Variants in THSD4 observed in about 807,000 individuals in gnomAD.
The protein encoded by THSD4 is thrombospondin type-1 domain-containing protein 4.
Under a neutral mutation model 119.0 loss-of-function variants are expected in THSD4, and 69 were observed. The ratio of observed to expected loss-of-function variants is 0.58; its 90% CI spans 0.48 to 0.71. The LOEUF is 0.71. Among genes scored for constraint, THSD4 ranks in the 30% least tolerant of loss-of-function variants. The pLI, the probability that THSD4 is intolerant of heterozygous loss-of-function variation, is 0.00. For synonymous variants in THSD4, 524 were observed against 540.4 expected (o/e 0.97, Z 0.42); for missense variants, 1,393 against 1,391.1 (o/e 1.00, Z -0.02).
intron 7 of THSD4, among the ~76,000 whole-genome samples, chr15:71,554,235 G>T (rs545831863): frequency 6.6e-6 from 1 of 150,872 alleles, no homozygotes; most frequent in African/African-American, 2.4e-5. Context: ...GACTACAGGT[G>T]CCCACCGCCA....
At chr15:71,100,973 C>T (rs191562890) in intron 1 of THSD4, among the ~76,000 whole-genome samples, 47 of 151,290 alleles carry the variant, frequency 3.1e-4, no homozygotes, top group African/African-American at 8.8e-4. Context: ...CACAGTGAGA[C>T]GCTGTCACAC....
chr15:71,481,368 A>C (rs1402160759), intron 7 of THSD4, among the ~76,000 whole-genome samples: 1 of 152,238 alleles, frequency 6.6e-6, no homozygotes, highest in Non-Finnish European at 1.5e-5. Flanking sequence ...TATGTATATA[A>C]AACTTTGAGA....
intron 8 of THSD4, among the ~76,000 whole-genome samples, chr15:71,691,880 T>A (rs1462984011): frequency 6.6e-6 from 1 of 152,066 alleles, no homozygotes; most frequent in Non-Finnish European, 1.5e-5. Flanking sequence ...GCATAGCGTA[T>A]CCCCAGGGGA....
intron 6 of THSD4, among the ~76,000 whole-genome samples, chr15:71,373,014 T>C (rs1009156181): frequency 8.5e-5 from 13 of 152,218 alleles, no homozygotes; most frequent in African/African-American, 2.9e-4. Flanking sequence ...TCTTTCTTGT[T>C]ATCTCTTTTC....
intron 7 of THSD4, among the ~76,000 whole-genome samples, chr15:71,576,647 A>C (rs1210994578): frequency 2.6e-5 from 4 of 152,044 alleles, no homozygotes; most frequent in African/African-American, 4.8e-5. Flanking sequence ...TTTTACTAAA[A>C]CTCTGCCTCC....
At chr15:71,582,489 A>G (rs1158546553) in intron 7 of THSD4, among the ~76,000 whole-genome samples, 1 of 151,942 alleles carries the variant, frequency 6.6e-6, no homozygotes, top group Non-Finnish European at 1.5e-5. Flanking sequence ...TTTCTTGCTT[A>G]CTTGCTCCAG....
intron 6 of THSD4, among the ~76,000 whole-genome samples, chr15:71,267,666 G>A (rs2044479008): frequency 6.6e-6 from 1 of 152,148 alleles, no homozygotes; most frequent in South Asian, 2.1e-4. Flanking sequence ...ACACAGACTG[G>A]CAAATTGGAT....
chr15:71,201,307 G>A (rs766961344), intron 3 of THSD4, among the ~76,000 whole-genome samples: 3 of 152,160 alleles, frequency 2.0e-5, no homozygotes, highest in African/African-American at 4.8e-5. Context: ...ACAGATTAGC[G>A]ACTCTCCTAT....
At chr15:71,112,084 G>A (rs760880783), upstream of THSD4, 2 of 1,610,826 alleles carry the variant, frequency 1.2e-6, no homozygotes, top group East Asian at 2.2e-5. Context: ...CACATGCCCT[G>A]AACTCCCAGA....
chr15:71,201,650 A>C (rs534453992), intron 3 of THSD4, among the ~76,000 whole-genome samples: 1 of 152,212 alleles, frequency 6.6e-6, no homozygotes, highest in Non-Finnish European at 1.5e-5. Flanking sequence ...GCTCAGTCCC[A>C]AGGCGTGGTT....
chr15:71,276,894 G>C (rs2044596472), intron 6 of THSD4, among the ~76,000 whole-genome samples: 1 of 152,178 alleles, frequency 6.6e-6, no homozygotes, highest in African/African-American at 2.4e-5. Flanking sequence ...TCAGGGGCTG[G>C]CCTGGTTTCC....
At position 71,426,397 on chromosome 15, in the gene THSD4, G is replaced by GTGTGTGTGTGTGTGTGTT. The variant is rs138567389; in HGVS notation, c.1152+14583_1152+14584insGTGTGTGTTTGTGTGTGT. ...TGTGTGTGTGTGTGTGTGTGTGTGT[G>GTGTGTGTGTGTGTGTGTT]TGTGTGTGTTCAGGTGCTGAATGTC... is the stretch of plus-strand genomic sequence containing the variant. On this transcript the variant is annotated intron_variant, in intron 7 of 17. Coordinates refer to ENST00000261862, the MANE Select transcript of THSD4 (RefSeq NM_024817.3). 3.3e-3 allele frequency among the ~76,000 whole-genome samples: 408 copies of GTGTGTGTGTGTGTGTGTT among 124,700 alleles called. 4 individuals are homozygous for GTGTGTGTGTGTGTGTGTT. The highest frequency in any genetic ancestry group is 0.011 in the African/African-American group (392 of 37,276). The allele number at this position is 124,700 out of a possible 152,430, so 81.8% of individuals were successfully genotyped here.
intron 1 of THSD4, among the ~76,000 whole-genome samples, chr15:71,127,015 A>G (rs1346744905): frequency 6.6e-6 from 1 of 152,262 alleles, no homozygotes; most frequent in Non-Finnish European, 1.5e-5. Flanking sequence ...TGCACTATGC[A>G]ATAGATCTCA....
Position 71,725,549 on chromosome 15 carries a change from C to G in THSD4, c.1358-3000C>G, listed in dbSNP as rs545121531. Among the ~76,000 whole-genome samples the G allele has an allele frequency of 2.0e-5, 3 of 152,136 alleles. No individual in the cohort carries two copies. In the South Asian group the frequency reaches 6.2e-4, roughly 32 times the overall value. On this transcript the variant is annotated intron_variant, in intron 8 of 17. Coordinates refer to ENST00000261862, the MANE Select transcript of THSD4 (RefSeq NM_024817.3). Reference sequence around the variant, plus strand: ...AAAACAGAAATGAGCAGCCTGAGAGCAGGAGGAAAGCAAGGGGAGTGTGGT... The same window carrying G: ...AAAACAGAAATGAGCAGCCTGAGAGGAGGAGGAAAGCAAGGGGAGTGTGGT...
At chr15:71,183,290 T>A (rs1785220206) in intron 3 of THSD4, 1 of 151,740 alleles carries the variant, frequency 6.6e-6, no homozygotes, top group African/African-American at 2.4e-5. Flanking sequence ...GCCCCAGGAT[T>A]CAGTTACCTC....
chr15:71,104,144 A>G (rs546247621), intron 1 of THSD4, among the ~76,000 whole-genome samples: 83 of 152,252 alleles, frequency 5.5e-4, no homozygotes, highest in Admixed American at 1.4e-3. Context: ...TAAATCATCA[A>G]TCATTTGCTA....
intron 6 of THSD4, among the ~76,000 whole-genome samples, chr15:71,408,272 A>G (rs977767059): frequency 2.0e-5 from 3 of 152,180 alleles, no homozygotes; most frequent in African/African-American, 7.2e-5. Flanking sequence ...TTGCTCTGTC[A>G]TCCAGGCTGG....
At chr15:71,333,208 G>A (rs1437454644) in intron 6 of THSD4, among the ~76,000 whole-genome samples, 2 of 152,128 alleles carry the variant, frequency 1.3e-5, no homozygotes, top group Non-Finnish European at 2.9e-5. Flanking sequence ...TAGCAGCTCA[G>A]CCCAAGAGTG....
intron 6 of THSD4, 108 bp downstream of exon 6, chr15:71,256,823 C>T: frequency 1.0e-6 from 1 of 978,288 alleles, no homozygotes; most frequent in South Asian, 1.5e-5. Context: ...GCTGGGGTGT[C>T]AATAGGGGAG....
Sources: gnomAD v4.1 joint callset for allele counts (sites outside exome capture counted in the v4.1 genomes callset) on GRCh38, gnomAD v4.1.1 for gene constraint, MANE v1.5 for transcripts, NCBI Gene and HGNC (gene_info 2026-07-23, HGNC 2026-07-21) for gene names.